Variants in STK4 observed in about 807,000 individuals in gnomAD.
STK4 encodes serine/threonine-protein kinase 4.
A neutral mutation model predicts 64.9 loss-of-function variants in STK4; 30 were observed. The observed-to-expected ratio is 0.46, with a 90% CI of 0.35 to 0.63. STK4 has a LOEUF of 0.63. Among genes scored for constraint, STK4 ranks in the 20% least tolerant of loss-of-function variants. The pLI is 0.01. For missense variants in STK4, 466 were observed against 598.5 expected, an observed-to-expected ratio of 0.78 and a Z score of 2.31; for synonymous variants, 177 against 199.0, an observed-to-expected ratio of 0.89 and a Z score of 0.93.
intron 5 of STK4, among the ~76,000 whole-genome samples, chr20:44,990,454 AT>A (rs968973996): frequency 2.7e-5 from 4 of 150,256 alleles, no homozygotes; most frequent in South Asian, 2.1e-4. Context: ...AAAAAATGAG[AT>A]TTTTTTTCCT....
intron 10 of STK4, among the ~76,000 whole-genome samples, chr20:45,053,430 T>C (rs1978302107): frequency 6.6e-6 from 1 of 152,216 alleles, no homozygotes; most frequent in Admixed American, 6.5e-5. Flanking sequence ...GCAGGCTTCT[T>C]CTTTAGCGTT....
chr20:44,983,309 A>G (rs2067473584), intron 4 of STK4, among the ~76,000 whole-genome samples: 1 of 152,196 alleles, frequency 6.6e-6, no homozygotes, highest in African/African-American at 2.4e-5. Flanking sequence ...TGTTTTAGAA[A>G]GATAACTCTG....
chr20:45,034,384 A>G (rs2068493720), intron 10 of STK4, among the ~76,000 whole-genome samples: 1 of 152,154 alleles, frequency 6.6e-6, no homozygotes, highest in Admixed American at 6.5e-5. Context: ...TACTAGAAAC[A>G]GAATATGGCA....
intron 2 of STK4, chr20:44,975,223 A>G (rs2067319140): frequency 3.6e-6 from 1 of 276,494 alleles, no homozygotes; most frequent in Non-Finnish European, 5.5e-6. Context: ...GTTGTAATTC[A>G]TTGAATCATC....
At chr20:45,032,780 A>G (rs1371468806) in intron 10 of STK4, among the ~76,000 whole-genome samples, 1 of 152,194 alleles carries the variant, frequency 6.6e-6, no homozygotes, top group Non-Finnish European at 1.5e-5. Flanking sequence ...GCCTTTGGGT[A>G]TATACTCAAT....
intron 10 of STK4, among the ~76,000 whole-genome samples, chr20:45,069,260 G>A (rs753845518): frequency 3.9e-5 from 6 of 152,128 alleles, no homozygotes; most frequent in Non-Finnish European, 8.8e-5. Flanking sequence ...TCCTTCCACT[G>A]TGATCTCTCC....
At chr20:45,012,977 T>A (rs2068080886) in intron 9 of STK4, among the ~76,000 whole-genome samples, 1 of 66,420 alleles carries the variant, frequency 1.5e-5, no homozygotes, top group East Asian at 4.5e-4. Context: ...TTTTTTTTTT[T>A]TTATAGAGAT....
Position 45,012,568 on chromosome 20 carries a change from T to C in STK4, c.1147+11215T>C, listed in dbSNP as rs531302724. On this transcript the variant is annotated intron_variant, in intron 9 of 10. Transcript: ENST00000372806. ...TTTAGAGCTTTTTGTTAAATCTATTTTTAGATACTTATTTGTTGCTATTAC... is the reference window on the plus strand; with the variant it reads ...TTTAGAGCTTTTTGTTAAATCTATTCTTAGATACTTATTTGTTGCTATTAC... 1.0e-3 allele frequency among the ~76,000 whole-genome samples: 152 copies of C among 152,308 alleles called. 1 individual carries two copies. The highest frequency in any genetic ancestry group is 6.8e-3 in the Middle Eastern group (2 of 294).
intron 10 of STK4, 45 bp downstream of exon 10, chr20:45,025,175 A>T: frequency 1.9e-6 from 3 of 1,569,164 alleles, no homozygotes; most frequent in Non-Finnish European, 2.6e-6. Flanking sequence ...AGGGGAAGTT[A>T]TTTGAAATAT....
At chr20:44,984,749 A>G (rs1412075959) in intron 4 of STK4, among the ~76,000 whole-genome samples, 1 of 152,088 alleles carries the variant, frequency 6.6e-6, no homozygotes. Flanking sequence ...TTGGATAAAT[A>G]TGGTTAAGTA....
intron 10 of STK4, among the ~76,000 whole-genome samples, chr20:45,053,749 A>C (rs1978306876): frequency 6.6e-6 from 1 of 152,228 alleles, no homozygotes; most frequent in South Asian, 2.1e-4. Flanking sequence ...CTTAAAGGAC[A>C]TATTTTCCAG....
At chr20:44,988,523 A>ATGTGTGTGTGTGTG (rs371237761) in intron 5 of STK4, among the ~76,000 whole-genome samples, 12,094 of 108,344 alleles carry the variant, frequency 0.11, 800 homozygotes, top group East Asian at 0.16. Context: ...GTGTATATAT[A>ATGTGTGTGTGTGTG]TGTGTGTGTG....
At chr20:45,046,402 T>G (rs2068695693) in intron 10 of STK4, among the ~76,000 whole-genome samples, 1 of 150,950 alleles carries the variant, frequency 6.6e-6, no homozygotes, top group South Asian at 2.1e-4. Flanking sequence ...GGCACTGCAC[T>G]GTAGCCTGGG....
chr20:45,047,901 G>C (rs1477034301), intron 10 of STK4, among the ~76,000 whole-genome samples: 1 of 152,148 alleles, frequency 6.6e-6, no homozygotes, highest in East Asian at 1.9e-4. Flanking sequence ...CTGGGACTCT[G>C]TTTCTTTGTC....
chr20:45,000,610 A>G, intron 8 of STK4, 90 bp downstream of exon 8: 1 of 1,560,086 alleles, frequency 6.4e-7, no homozygotes, highest in African/African-American at 1.4e-5. Flanking sequence ...GAGGTATTGG[A>G]TCAACTTGGA....
chr20:45,006,185 A>G (rs1330927026), intron 9 of STK4, among the ~76,000 whole-genome samples: 3 of 148,444 alleles, frequency 2.0e-5, no homozygotes, highest in African/African-American at 7.4e-5. Flanking sequence ...TTTCTCTATT[A>G]TTATTATTTT....
chr20:44,981,682 A>C (rs2067442652), intron 3 of STK4, 147 bp from the exon 4 acceptor site: 1 of 513,876 alleles, frequency 1.9e-6, no homozygotes, highest in Non-Finnish European at 3.4e-6. Context: ...ACCATTTTGC[A>C]TTCTTATCAG....
At chr20:45,011,689 A>C (rs964759457) in intron 9 of STK4, among the ~76,000 whole-genome samples, 17 of 140,428 alleles carry the variant, frequency 1.2e-4, no homozygotes, top group Admixed American at 1.1e-3. Context: ...CTGATTTGAA[A>C]GTTCTTGTGT....
intron 4 of STK4, among the ~76,000 whole-genome samples, chr20:44,983,937 T>C (rs1189881270): frequency 6.6e-6 from 1 of 152,116 alleles, no homozygotes. Flanking sequence ...GCAAGTTCTT[T>C]AGGAATAATA....
Sources: allele counts gnomAD v4.1 joint callset (sites outside exome capture counted in the v4.1 genomes callset), GRCh38; gene constraint gnomAD v4.1.1; transcripts MANE v1.5; gene names NCBI Gene and HGNC (gene_info 2026-07-23, HGNC 2026-07-21).